The following TIMP3 variants were observed in gnomAD, a reference collection of about 807,000 sequenced individuals.
TIMP3 encodes metalloproteinase inhibitor 3.
Under a neutral mutation model 30.0 loss-of-function variants are expected in TIMP3, and 11 were observed. The ratio of observed to expected loss-of-function variants is 0.37; its 90% confidence interval spans 0.23 to 0.61. TIMP3 has a LOEUF of 0.61. Ranked by LOEUF, TIMP3 falls within the 20% of genes least tolerant of loss-of-function variation. TIMP3 has a pLI of 0.70. For missense variants in TIMP3, 181 were observed against 276.8 expected, an observed-to-expected ratio of 0.65 and a Z score of 2.45; for synonymous variants, 112 against 111.3, an observed-to-expected ratio of 1.01 and a Z score of -0.04.
chr22:32,822,631 T>C (rs780295623), intron 1 of TIMP3, among the ~76,000 whole-genome samples: 2 of 152,216 alleles, frequency 1.3e-5, no homozygotes, highest in Non-Finnish European at 2.9e-5. Flanking sequence ...CTATTGCAAA[T>C]AGACTGCTTA....
At chr22:32,805,653 A>G (rs1368905639) in intron 1 of TIMP3, among the ~76,000 whole-genome samples, 1 of 133,734 alleles carries the variant, frequency 7.5e-6, no homozygotes, top group East Asian at 2.2e-4. Context: ...CAACCTTAAG[A>G]GTAGGTATTG....
At chr22:32,845,288 C>T (rs955434756) in intron 1 of TIMP3, among the ~76,000 whole-genome samples, 3 of 152,248 alleles carry the variant, frequency 2.0e-5, no homozygotes, top group Admixed American at 6.5e-5. Flanking sequence ...CCTCCACCTC[C>T]TGGGTTCAAG....
At chr22:32,832,541 GTT>G (rs11295694) in intron 1 of TIMP3, among the ~76,000 whole-genome samples, 108 of 138,588 alleles carry the variant, frequency 7.8e-4, no homozygotes, top group African/African-American at 2.8e-3. Context: ...ATAAGCCTGG[GTT>G]TTTTTTTTTT....
chr22:32,842,985 A>G (rs572230352), intron 1 of TIMP3, among the ~76,000 whole-genome samples: 1 of 152,190 alleles, frequency 6.6e-6, no homozygotes, highest in Non-Finnish European at 1.5e-5. Flanking sequence ...TCTGCAGTGA[A>G]AGTGGGGAAT....
At chr22:32,822,169 A>G (rs1414438827) in intron 1 of TIMP3, among the ~76,000 whole-genome samples, 1 of 151,566 alleles carries the variant, frequency 6.6e-6, no homozygotes, top group Non-Finnish European at 1.5e-5. Context: ...AAAAAAAAAA[A>G]AAAAAGAAGT....
At chr22:32,844,249 T>C (rs141118462) in intron 1 of TIMP3, among the ~76,000 whole-genome samples, 1 of 152,264 alleles carries the variant, frequency 6.6e-6, no homozygotes, top group East Asian at 1.9e-4. Context: ...CTCAAGGGTA[T>C]CTTGCCCCAC....
At chr22:32,818,765 T>G (rs979035106) in intron 1 of TIMP3, among the ~76,000 whole-genome samples, 1 of 152,142 alleles carries the variant, frequency 6.6e-6, no homozygotes, top group African/African-American at 2.4e-5. Context: ...ATAAAACTGC[T>G]TCCACCTGGA....
chr22:32,839,909 G>T (rs186077478), intron 1 of TIMP3, among the ~76,000 whole-genome samples: 95 of 151,974 alleles, frequency 6.3e-4, no homozygotes, highest in African/African-American at 2.2e-3. Flanking sequence ...CGTCAGCAGG[G>T]GCCCTGAGTT....
chr22:32,822,909 A>G (rs1039451022), intron 1 of TIMP3, among the ~76,000 whole-genome samples: 1 of 145,934 alleles, frequency 6.9e-6, no homozygotes, highest in Non-Finnish European at 1.5e-5. Context: ...ATTTGTTAAA[A>G]ACAACAACAA....
At chr22:32,855,767 A>T (rs1177402063) in intron 2 of TIMP3, among the ~76,000 whole-genome samples, 3 of 152,196 alleles carry the variant, frequency 2.0e-5, no homozygotes, top group African/African-American at 7.2e-5. Flanking sequence ...AATTGTCTCC[A>T]GACATTGCCA....
rs1215501987 is a variant in TIMP3, at chr22:32,858,727, A to C, written c.439-453A>C. Among the ~76,000 whole-genome samples the C allele has an allele frequency of 2.0e-5, 3 of 152,276 alleles. No individual in the cohort carries two copies. In the South Asian group the frequency reaches 6.2e-4, roughly 32 times the overall value. The stretch of plus-strand genomic sequence containing the variant: ...CTATGATCTCCATTCTGCAGATGAG[A>C]GCTCAGAGAACTTAAGTAACTAGCC... On this transcript the variant is annotated intron_variant, in intron 4 of 4. Transcript: ENST00000266085.
At chr22:32,842,997 CA>C (rs2047957215) in intron 1 of TIMP3, among the ~76,000 whole-genome samples, 1 of 152,118 alleles carries the variant, frequency 6.6e-6, no homozygotes, top group African/African-American at 2.4e-5. Context: ...GTGGGGAATG[CA>C]GTAAAATTAT....
At chr22:32,847,626 T>C (rs1365189976) in intron 1 of TIMP3, among the ~76,000 whole-genome samples, 1 of 151,976 alleles carries the variant, frequency 6.6e-6, no homozygotes, top group East Asian at 1.9e-4. Context: ...GAGATTAGAG[T>C]CAAATAACTG....
intron 1 of TIMP3, among the ~76,000 whole-genome samples, chr22:32,828,905 C>T (rs1432046476): frequency 6.6e-6 from 1 of 152,122 alleles, no homozygotes; most frequent in African/African-American, 2.4e-5. Flanking sequence ...CTCTTCCTCT[C>T]TCATTAGGGG....
At chr22:32,807,890 A>G (rs181442981) in intron 1 of TIMP3, among the ~76,000 whole-genome samples, 2 of 152,216 alleles carry the variant, frequency 1.3e-5, no homozygotes, top group Admixed American at 1.3e-4. Flanking sequence ...GGGATGGAGG[A>G]ATGTTAGAGC....
At chr22:32,828,621 C>A (rs993561198) in intron 1 of TIMP3, among the ~76,000 whole-genome samples, 7 of 152,232 alleles carry the variant, frequency 4.6e-5, no homozygotes, top group Admixed American at 2.0e-4. Flanking sequence ...GGCCCAGGGA[C>A]AGGAAGTGAC....
chr22:32,811,478 T>C (rs2046913285), intron 1 of TIMP3, among the ~76,000 whole-genome samples: 1 of 152,164 alleles, frequency 6.6e-6, no homozygotes, highest in African/African-American at 2.4e-5. Context: ...TCCAGGGTCA[T>C]ATAGAGAGAG....
At chr22:32,824,261 G>C (rs1405224951) in intron 1 of TIMP3, among the ~76,000 whole-genome samples, 1 of 130,242 alleles carries the variant, frequency 7.7e-6, no homozygotes, top group East Asian at 2.2e-4. Context: ...CTGGGCGACA[G>C]AGCAAGACTC....
chr22:32,838,210 T>C (rs563381958), intron 1 of TIMP3, among the ~76,000 whole-genome samples: 58 of 152,216 alleles, frequency 3.8e-4, no homozygotes, highest in African/African-American at 1.4e-3. Context: ...TCTGAATAAA[T>C]ATCAGATGAG....
Sources: allele counts gnomAD v4.1 joint callset (sites outside exome capture counted in the v4.1 genomes callset), GRCh38; gene constraint gnomAD v4.1.1; transcripts MANE v1.5; gene names NCBI Gene and HGNC (gene_info 2026-07-23, HGNC 2026-07-21).